ADCY3: variants seen among roughly 807,000 people sequenced by gnomAD.
ADCY3 encodes adenylate cyclase 3.
ADCY3 carries 70 observed loss-of-function variants against 119.4 expected under a neutral mutation model. That is an observed-to-expected ratio of 0.59 (90% CI 0.48 to 0.72). ADCY3 has a LOEUF of 0.72. ADCY3 is among the 30% of genes least tolerant of loss of function. ADCY3 has a pLI of 0.00. For synonymous variants in ADCY3, 672 were observed against 621.4 expected (o/e 1.08, Z -1.21); for missense variants, 1,238 against 1,541.6 (o/e 0.80, Z 3.30).
intron 19 of ADCY3, 86 bp downstream of exon 19, chr2:24,822,422 AGTT>A: frequency 6.4e-7 from 1 of 1,554,968 alleles, no homozygotes; most frequent in Non-Finnish European, 8.8e-7. Context: ...TTTGCACAGC[AGTT>A]CTTATTTCCC....
intron 3 of ADCY3, among the ~76,000 whole-genome samples, chr2:24,846,470 C>T (rs1266266546): frequency 6.6e-6 from 1 of 152,168 alleles, no homozygotes; most frequent in Non-Finnish European, 1.5e-5. Context: ...TTCAGACTTG[C>T]ATGGGGCCTG....
intron 16 of ADCY3, chr2:24,825,831 G>A (rs747903676): frequency 2.8e-5 from 16 of 578,934 alleles, no homozygotes; most frequent in Non-Finnish European, 4.6e-5. Context: ...CCATCCTGGA[G>A]GGGGTCGGAC....
At chr2:24,916,508 C>T (rs1437031965) in intron 2 of ADCY3, among the ~76,000 whole-genome samples, 2 of 152,222 alleles carry the variant, frequency 1.3e-5, no homozygotes, top group Admixed American at 1.3e-4. Flanking sequence ...ATGGTGAAAC[C>T]TTGTCTCTAC....
chr2:24,825,298 T>G (rs114992737), intron 16 of ADCY3, among the ~76,000 whole-genome samples: 1,732 of 147,676 alleles, frequency 0.012, 23 homozygotes, highest in Non-Finnish European at 0.019. Context: ...TTCCTTCTCT[T>G]TTCCTTTTTT....
chr2:24,833,657 C>T (rs145073150), intron 11 of ADCY3, among the ~76,000 whole-genome samples: 4 of 152,368 alleles, frequency 2.6e-5, no homozygotes, highest in East Asian at 1.9e-4. Context: ...TGTGCCGCAT[C>T]GCTGCCATAG....
chr2:24,844,105 C>T (rs1030607343), intron 3 of ADCY3, among the ~76,000 whole-genome samples: 2 of 152,210 alleles, frequency 1.3e-5, no homozygotes, highest in African/African-American at 4.8e-5. Context: ...ACAAATGAAA[C>T]CGCAGCAGGC....
rs1675988659 is a variant in ADCY3, at chr2:24,878,499, G to C, written c.676-5780C>G. On this transcript the variant is annotated intron_variant, in intron 2 of 21. Coordinates refer to ENST00000679454, the MANE Select transcript of ADCY3 (RefSeq NM_004036.5). The surrounding 1 kb of genome is among the most constrained non-coding windows in gnomAD (Gnocchi z 4.0). ...ACTGTGGAGAAGAAGCTGAGCAAGA[G>C]AAAGCTGCTCAGGGTGCAGTGTCCG... Among the ~76,000 whole-genome samples the C allele has an allele frequency of 6.6e-6, 1 of 152,236 alleles. No homozygotes were observed. The highest frequency in any genetic ancestry group is 1.5e-5 in the Non-Finnish European group (1 of 68,032).
chr2:24,824,363 G>A lies in ADCY3; in HGVS notation c.2736+15C>T. ...AAATGGCCTCATGGTTCCGGGCTGAGACCACACCCCTCACCTCATCTCTCT... is the reference window on the plus strand; with the variant it reads ...AAATGGCCTCATGGTTCCGGGCTGAAACCACACCCCTCACCTCATCTCTCT... On this transcript the variant is annotated intron_variant, in intron 17 of 21. Transcript: ENST00000679454. The A allele has an allele frequency of 3.1e-6, 5 of 1,613,158 alleles. No individual in the cohort carries two copies. The highest frequency in any genetic ancestry group is 3.4e-6 in the Non-Finnish European group (4 of 1,179,264).
chr2:24,897,051 C>G (rs1184588445), intron 2 of ADCY3, among the ~76,000 whole-genome samples: 2 of 152,162 alleles, frequency 1.3e-5, no homozygotes, highest in South Asian at 2.1e-4. Flanking sequence ...CCTGCTCACT[C>G]TCGACTGGAA....
At chr2:24,863,405 T>C (rs958246649) in intron 3 of ADCY3, among the ~76,000 whole-genome samples, 1 of 152,220 alleles carries the variant, frequency 6.6e-6, no homozygotes, top group African/African-American at 2.4e-5. Flanking sequence ...TCTTCAGTGT[T>C]GGAACTCGGA....
Position 24,834,593 on chromosome 2 carries a change from A to G in ADCY3, c.1859T>C (p.Met620Thr). ...LLSMRFMDPE[M>T]ETRYSVEKEK... The stretch of plus-strand genomic sequence containing the variant: ...CTTCTCCACCGAGTAGCGGGTTTCC[A>G]TCTCGGGGTCCATGAACCGCATGGA... The change falls in exon 11 of 22, where the codon ATG becomes ACG. Residue 620 changes from methionine (M) to threonine (T), a missense_variant. This residue lies in a region of ADCY3 where 499 missense variants were observed against 571.0 expected (regional missense o/e 0.87). Transcript: ENST00000679454. The surrounding 1 kb of genome is among the most constrained non-coding windows in gnomAD (Gnocchi z 4.2). 1 of 1,613,686 alleles carries G rather than the reference A, an allele frequency of 6.2e-7. No homozygotes were observed. The highest frequency in any genetic ancestry group is 8.5e-7 in the Non-Finnish European group (1 of 1,179,906).
At chr2:24,917,691 ACAC>A (rs1309708282) in intron 2 of ADCY3, among the ~76,000 whole-genome samples, 1 of 152,014 alleles carries the variant, frequency 6.6e-6, no homozygotes, top group Non-Finnish European at 1.5e-5. Context: ...TTGCATCCCC[ACAC>A]CACACCTTCA....
At chr2:24,835,041 T>C (rs1264143507) in intron 9 of ADCY3, 105 bp from the exon 10 acceptor site, 58 of 1,382,982 alleles carry the variant, frequency 4.2e-5, no homozygotes, top group Non-Finnish European at 5.7e-5. Context: ...GAGGGCATAC[T>C]CGGAGGACCA....
At chr2:24,843,032 G>A (rs1384414442) in intron 3 of ADCY3, among the ~76,000 whole-genome samples, 1 of 152,202 alleles carries the variant, frequency 6.6e-6, no homozygotes, top group Non-Finnish European at 1.5e-5. Context: ...CTTCCTGAAG[G>A]AGCCTTGGTC....
chr2:24,848,920 G>T (rs571092559), intron 3 of ADCY3, among the ~76,000 whole-genome samples: 1 of 152,316 alleles, frequency 6.6e-6, no homozygotes, highest in East Asian at 1.9e-4. Flanking sequence ...ACAACAAAGG[G>T]ATACAAGGAA....
intron 2 of ADCY3, among the ~76,000 whole-genome samples, chr2:24,891,270 T>C (rs1677622195): frequency 6.6e-6 from 1 of 152,190 alleles, no homozygotes; most frequent in South Asian, 2.1e-4. Context: ...AAATATTAAA[T>C]GAAAAATTTA....
chr2:24,823,473 T>G, intron 17 of ADCY3, 118 bp from the exon 18 acceptor site: 1 of 1,019,196 alleles, frequency 9.8e-7, no homozygotes. Flanking sequence ...GACTCACACA[T>G]CAGTCAGATT....
rs1038861948 is a variant in ADCY3, at chr2:24,842,844, C to T, written c.826-460G>A. Among the ~76,000 whole-genome samples, 5 of 152,238 alleles carry T rather than the reference C, an allele frequency of 3.3e-5. No individual in the cohort carries two copies. Among genetic ancestry groups the T allele is most frequent in the Non-Finnish European group, 7.3e-5 (5 of 68,046 alleles). The stretch of plus-strand genomic sequence containing the variant: ...GACCAGGCACTACACGAGGCGCCAG[C>T]GACACAAAACCAGCAAGAACGTCCA... On this transcript the variant is annotated intron_variant, in intron 3 of 21. Transcript: ENST00000679454. This position sits in a 1 kb window ranked among gnomAD's most constrained non-coding sequence, Gnocchi z 4.9.
intron 7 of ADCY3, among the ~76,000 whole-genome samples, 170 bp downstream of exon 7, chr2:24,839,703 C>T (rs75680768): frequency 1.4e-4 from 21 of 152,320 alleles, no homozygotes; most frequent in African/African-American, 4.8e-4. Context: ...CAGGTCAGAA[C>T]GGCCTTAGCC....
Sources: allele counts gnomAD v4.1 joint callset (sites outside exome capture counted in the v4.1 genomes callset), GRCh38; gene constraint gnomAD v4.1.1; regional missense constraint gnomAD v4.1.1; non-coding constraint Gnocchi (gnomAD v3.1); transcripts MANE v1.5; gene names NCBI Gene and HGNC (gene_info 2026-07-23, HGNC 2026-07-21).